The following EPHA7 variants were observed in gnomAD, a reference collection of about 807,000 sequenced individuals.
EPHA7 encodes ephrin type-A receptor 7.
A neutral mutation model predicts 112.6 loss-of-function variants in EPHA7; 25 were observed. The observed-to-expected ratio is 0.22, with a 90% CI of 0.16 to 0.31. The LOEUF (loss-of-function observed/expected upper bound fraction) is 0.31. EPHA7 is among the 10% of genes least tolerant of loss of function. The pLI, the probability that EPHA7 is intolerant of heterozygous loss-of-function variation, is 1.00. For synonymous variants in EPHA7, 437 were observed against 406.5 expected (o/e 1.07, Z -0.90); for missense variants, 962 against 1,212.6 (o/e 0.79, Z 3.07).
intron 5 of EPHA7, among the ~76,000 whole-genome samples, chr6:93,325,243 T>C (rs1774261479): frequency 6.6e-6 from 1 of 151,404 alleles, no homozygotes; most frequent in South Asian, 2.1e-4. Context: ...AAACAATTGG[T>C]CCTAAGTGTT....
intron 3 of EPHA7, among the ~76,000 whole-genome samples, chr6:93,397,587 T>C (rs1279466648): frequency 6.6e-6 from 1 of 151,948 alleles, no homozygotes; most frequent in Non-Finnish European, 1.5e-5. Flanking sequence ...TCAACTGACC[T>C]AAGCAGTCTA....
At chr6:93,372,405 T>A (rs1776846448) in intron 3 of EPHA7, among the ~76,000 whole-genome samples, 1 of 152,078 alleles carries the variant, frequency 6.6e-6, no homozygotes, top group Non-Finnish European at 1.5e-5. Flanking sequence ...TATTTTGCAG[T>A]TTAAGTTAGC....
intron 3 of EPHA7, among the ~76,000 whole-genome samples, chr6:93,380,389 G>A (rs911991509): frequency 6.6e-5 from 10 of 151,970 alleles, no homozygotes; most frequent in African/African-American, 2.4e-4. Context: ...ATGGTACCAG[G>A]CATTTTAATC....
At chr6:93,362,921 C>G (rs1305210691) in intron 3 of EPHA7, among the ~76,000 whole-genome samples, 4 of 152,134 alleles carry the variant, frequency 2.6e-5, no homozygotes, top group Non-Finnish European at 5.9e-5. Flanking sequence ...TTCCGACAAT[C>G]TTGTTGCTAG....
At chr6:93,417,167 T>A (rs1290096181) in intron 1 of EPHA7, among the ~76,000 whole-genome samples, 1 of 152,162 alleles carries the variant, frequency 6.6e-6, no homozygotes, top group African/African-American at 2.4e-5. Context: ...CGATGATAAC[T>A]GACCAACCCG....
At chr6:93,245,164 C>G (rs1200803452) in intron 16 of EPHA7, 134 bp downstream of exon 16, 7 of 816,290 alleles carry the variant, frequency 8.6e-6, no homozygotes, top group African/African-American at 7.0e-5. Flanking sequence ...GCAGTAAGAA[C>G]TTGTTAAAGA....
intron 14 of EPHA7, among the ~76,000 whole-genome samples, chr6:93,249,488 T>C (rs1770111401): frequency 6.6e-6 from 1 of 152,186 alleles, no homozygotes; most frequent in Non-Finnish European, 1.5e-5. Flanking sequence ...AAATTTTATA[T>C]ATTCAAAATG....
chr6:93,393,114 G>T (rs1473939885), intron 3 of EPHA7, among the ~76,000 whole-genome samples: 7 of 151,800 alleles, frequency 4.6e-5, no homozygotes, highest in Non-Finnish European at 1.0e-4. Context: ...CAGTCTGACT[G>T]CATTTAAGGA....
intron 5 of EPHA7, among the ~76,000 whole-genome samples, chr6:93,322,047 T>G (rs1774098970): frequency 6.6e-6 from 1 of 151,720 alleles, no homozygotes; most frequent in Admixed American, 6.6e-5. Flanking sequence ...AATGAATGAA[T>G]AATGAATGTA....
intron 5 of EPHA7, among the ~76,000 whole-genome samples, chr6:93,324,778 A>C (rs572599494): frequency 1.3e-5 from 2 of 151,500 alleles, no homozygotes. Flanking sequence ...AGGCAAACAA[A>C]CATAAAAGCA....
intron 3 of EPHA7, among the ~76,000 whole-genome samples, chr6:93,390,540 T>A (rs1365167128): frequency 6.7e-6 from 1 of 149,720 alleles, no homozygotes; most frequent in Admixed American, 6.7e-5. Flanking sequence ...ATGATGCCTG[T>A]AACTTACTTT....
At chr6:93,327,564 C>A (rs2127895641) in intron 5 of EPHA7, among the ~76,000 whole-genome samples, 1 of 151,596 alleles carries the variant, frequency 6.6e-6, no homozygotes, top group South Asian at 2.1e-4. Context: ...GTCTCTCCCA[C>A]AAATTTTTCT....
At chr6:93,252,961 A>G (rs781558833) in intron 14 of EPHA7, among the ~76,000 whole-genome samples, 24 of 152,146 alleles carry the variant, frequency 1.6e-4, no homozygotes, top group African/African-American at 5.8e-4. Context: ...AATACTTAAC[A>G]CATTTTAAAA....
intron 9 of EPHA7, among the ~76,000 whole-genome samples, chr6:93,262,445 C>G (rs1770731939): frequency 3.3e-5 from 5 of 151,100 alleles, no homozygotes; most frequent in African/African-American, 1.2e-4. Context: ...GAGGCTTACC[C>G]CATATACAGT....
chr6:93,329,559 A>G (rs1257345785), intron 5 of EPHA7, among the ~76,000 whole-genome samples: 2 of 151,286 alleles, frequency 1.3e-5, no homozygotes, highest in African/African-American at 4.8e-5. Context: ...TGATTTTTCA[A>G]ATACTTTTCC....
At chr6:93,310,645 C>A (rs1773484778) in intron 5 of EPHA7, among the ~76,000 whole-genome samples, 1 of 149,896 alleles carries the variant, frequency 6.7e-6, no homozygotes, top group South Asian at 2.1e-4. Context: ...GCCTATGACA[C>A]AGCGAGACTC....
At chr6:93,390,748 T>C (rs369698477) in intron 3 of EPHA7, among the ~76,000 whole-genome samples, 2 of 151,998 alleles carry the variant, frequency 1.3e-5, no homozygotes, top group East Asian at 1.9e-4. Context: ...ATTTCTCAAA[T>C]GGAGTTGAAA....
At chr6:93,382,326 T>A (rs1777377944) in intron 3 of EPHA7, among the ~76,000 whole-genome samples, 2 of 152,094 alleles carry the variant, frequency 1.3e-5, no homozygotes. Flanking sequence ...GTATGTAACC[T>A]AGGTCCCTCA....
At chr6:93,347,181 G>T (rs1356241392) in intron 5 of EPHA7, among the ~76,000 whole-genome samples, 43 of 151,786 alleles carry the variant, frequency 2.8e-4, no homozygotes, top group Admixed American at 2.8e-3. Context: ...TAATCTTGTA[G>T]AAATTATTAG....
Sources: gnomAD v4.1 joint callset for allele counts (sites outside exome capture counted in the v4.1 genomes callset) on GRCh38, gnomAD v4.1.1 for gene constraint, MANE v1.5 for transcripts, NCBI Gene and HGNC (gene_info 2026-07-23, HGNC 2026-07-21) for gene names.